The following KLHL7 variants were observed in gnomAD, a reference collection of about 807,000 sequenced individuals.
KLHL7 encodes the protein kelch-like protein 7.
In KLHL7, 44 loss-of-function variants were observed where a neutral mutation model predicts 67.4. That is an observed-to-expected ratio of 0.65 (90% CI 0.51 to 0.84). The LOEUF is 0.84. Among genes scored for constraint, KLHL7 ranks in the 40% least tolerant of loss-of-function variants. The pLI, the probability that KLHL7 is intolerant of heterozygous loss-of-function variation, is 0.00. For synonymous variants in KLHL7, 252 were observed against 243.3 expected (o/e 1.04, Z -0.33); for missense variants, 362 against 718.1 (o/e 0.50, Z 5.67).
At chr7:23,120,730 T>C (rs1378485839) in intron 1 of KLHL7, among the ~76,000 whole-genome samples, 1 of 152,028 alleles carries the variant, frequency 6.6e-6, no homozygotes, top group East Asian at 1.9e-4. Flanking sequence ...TCACACCTGG[T>C]TAATTTTTTA....
intron 6 of KLHL7, among the ~76,000 whole-genome samples, chr7:23,149,297 G>T (rs1237073374): frequency 2.0e-5 from 3 of 152,084 alleles, no homozygotes; most frequent in Non-Finnish European, 2.9e-5. Context: ...CTATTCTTGG[G>T]GAGGAAAAAA....
At chr7:23,120,305 C>T (rs971928038) in intron 1 of KLHL7, among the ~76,000 whole-genome samples, 4 of 152,188 alleles carry the variant, frequency 2.6e-5, no homozygotes, top group African/African-American at 9.7e-5. Context: ...GTCACCACAC[C>T]CAGCCCCATA....
At chr7:23,152,279 C>A in intron 7 of KLHL7, 70 bp downstream of exon 7, 1 of 1,408,666 alleles carries the variant, frequency 7.1e-7, no homozygotes, top group East Asian at 2.3e-5. Flanking sequence ...CACTCACCAA[C>A]TAGAAGTAGT....
At chr7:23,113,915 A>C (rs62466542) in intron 1 of KLHL7, among the ~76,000 whole-genome samples, 1 of 152,358 alleles carries the variant, frequency 6.6e-6, no homozygotes, top group South Asian at 2.1e-4. Context: ...CATGCTGTCT[A>C]TATAAATTAT....
chr7:23,147,130 T>C (rs554877191), intron 6 of KLHL7, among the ~76,000 whole-genome samples: 83 of 151,294 alleles, frequency 5.5e-4, no homozygotes, highest in African/African-American at 2.0e-3. Context: ...CTCGCTGGCT[T>C]CCAGGCTGGA....
chr7:23,143,933 G>C lies in KLHL7; in HGVS notation c.701G>C (p.Arg234Thr). 6.2e-7 allele frequency: 1 copy of C among 1,613,992 alleles called. No individual in the cohort carries two copies. Among genetic ancestry groups the C allele is most frequent in the Non-Finnish European group, 8.5e-7 (1 of 1,179,934 alleles). ...ATGGTTGATATCCTTGCTAAAGTCAGGTTTCCTCTTATATCAAAGAATTTC... is the reference window on the plus strand; with the variant it reads ...ATGGTTGATATCCTTGCTAAAGTCACGTTTCCTCTTATATCAAAGAATTTC... ...PFMVDILAKV[R>T]FPLISKNFLS... The change falls in exon 6 of 11, where the codon AGG becomes ACG. Residue 234 changes from arginine to threonine, a missense_variant. Arg to Thr is a moderately conservative substitution (Grantham distance 71, BLOSUM62 -1). This residue lies in a region of KLHL7 where 155 missense variants were observed against 280.8 expected (regional missense o/e 0.55). Coordinates refer to ENST00000339077, the MANE Select transcript of KLHL7 (RefSeq NM_001031710.3).
At chr7:23,107,763 C>T (rs780955663) in intron 1 of KLHL7, among the ~76,000 whole-genome samples, 6 of 152,194 alleles carry the variant, frequency 3.9e-5, no homozygotes, top group Admixed American at 6.5e-5. Context: ...ATTAACTGAC[C>T]TTAATCTGCC....
At chr7:23,128,904 G>T (rs978596488) in intron 4 of KLHL7, among the ~76,000 whole-genome samples, 1 of 152,128 alleles carries the variant, frequency 6.6e-6, no homozygotes, top group Non-Finnish European at 1.5e-5. Flanking sequence ...CCATATTGTA[G>T]CATTTATCAG....
intron 1 of KLHL7, among the ~76,000 whole-genome samples, chr7:23,115,139 A>C (rs1783033235): frequency 6.6e-6 from 1 of 152,204 alleles, no homozygotes; most frequent in African/African-American, 2.4e-5. Context: ...TAGTTAGCTT[A>C]GCACCTCCAA....
rs1201559481 is a variant in KLHL7 at position 23,140,577 on chromosome 7, A to AC, written c.443-191dup. ...GTCTCAAAAAACAAAAAAACAAAAA[A>AC]CAAAAAAAAAACCAGTCTTTTATAA... is the stretch of plus-strand genomic sequence containing the variant. On this transcript the variant is annotated intron_variant, in intron 4 of 10. Coordinates refer to ENST00000339077, the MANE Select transcript of KLHL7 (RefSeq NM_001031710.3). 5 of 630,572 alleles carry AC rather than the reference A, an allele frequency of 7.9e-6. No homozygotes were observed. The African/African-American group carries it at 1.4e-4, about 18-fold the overall frequency. The allele number at this position is 630,572 out of a possible 1,614,324, so 39.1% of individuals were successfully genotyped here.
chr7:23,106,847 CTT>C (rs112396697), intron 1 of KLHL7: 2,580 of 792,210 alleles, frequency 3.3e-3, no homozygotes, highest in Middle Eastern at 4.1e-3. Context: ...AACAAAGAGG[CTT>C]TTTTTTTTTT....
chr7:23,135,311 GT>G (rs760423721), intron 4 of KLHL7, among the ~76,000 whole-genome samples: 1 of 151,916 alleles, frequency 6.6e-6, no homozygotes, highest in African/African-American at 2.4e-5. Context: ...ATACTGTTAA[GT>G]TTTTTTTAAA....
At chr7:23,139,180 T>C (rs1179847450) in intron 4 of KLHL7, among the ~76,000 whole-genome samples, 2 of 151,586 alleles carry the variant, frequency 1.3e-5, no homozygotes, top group African/African-American at 4.9e-5. Context: ...ACATGGGAAC[T>C]CTGTAATGTT....
At chr7:23,113,695 G>A (rs756516712) in intron 1 of KLHL7, among the ~76,000 whole-genome samples, 5 of 152,120 alleles carry the variant, frequency 3.3e-5, no homozygotes, top group Admixed American at 2.0e-4. Context: ...GCCGGGTGAC[G>A]CATGCCTGTA....
chr7:23,175,524 A>C lies in KLHL7; in HGVS notation c.*1226A>C, dbSNP rs6947347. 2.2e-3 allele frequency: 764 copies of C among 349,214 alleles called. 8 individuals are homozygous for C. Among genetic ancestry groups the C allele is most frequent in the African/African-American group, 0.015 (708 of 46,674 alleles). The allele number at this position is 349,214 out of a possible 1,614,324, so 21.6% of individuals were successfully genotyped here. On this transcript the variant is annotated 3_prime_UTR_variant, in exon 11 of 11. Transcript: ENST00000339077. Reference sequence around the variant, plus strand: ...TCAGTTTTCTTTATATAGAGGTTATAATAGTCTTAAACCCTAAAAATGTTT... The same window carrying C: ...TCAGTTTTCTTTATATAGAGGTTATCATAGTCTTAAACCCTAAAAATGTTT...
At position 23,174,966 on chromosome 7, in the gene KLHL7, C is replaced by T; in HGVS notation, c.*668C>T. ...TTAACATAAAATGTAAAGCTTAGCA[C>T]CCATCATTAATTTATGTCTCTGTTT... On this transcript the variant is annotated 3_prime_UTR_variant, in exon 11 of 11. Transcript: ENST00000339077. The T allele has an allele frequency of 2.2e-6, 1 of 450,800 alleles. No homozygotes were observed. Among genetic ancestry groups the T allele is most frequent in the South Asian group, 1.6e-5 (1 of 63,992 alleles). 27.9% of individuals were successfully genotyped at this position (450,800 alleles called of 1,614,324 possible).
chr7:23,114,994 C>G (rs758514255), intron 1 of KLHL7, among the ~76,000 whole-genome samples: 1 of 152,190 alleles, frequency 6.6e-6, no homozygotes, highest in African/African-American at 2.4e-5. Flanking sequence ...CAATTGAATT[C>G]CAAATATGTG....
At chr7:23,136,205 G>T (rs556658044) in intron 4 of KLHL7, among the ~76,000 whole-genome samples, 1 of 152,320 alleles carries the variant, frequency 6.6e-6, no homozygotes, top group African/African-American at 2.4e-5. Flanking sequence ...TCACAAGGTT[G>T]CAAATGAGAG....
At chr7:23,141,035 G>C in intron 5 of KLHL7, 91 bp downstream of exon 5, 2 of 1,062,812 alleles carry the variant, frequency 1.9e-6, no homozygotes, top group Non-Finnish European at 2.9e-6. Context: ...AAGGGAAAGA[G>C]TCATATTAGG....
Sources: gnomAD v4.1 joint callset for allele counts (sites outside exome capture counted in the v4.1 genomes callset) on GRCh38, gnomAD v4.1.1 for gene constraint, gnomAD v4.1.1 regional missense constraint, MANE v1.5 for transcripts, NCBI Gene and HGNC (gene_info 2026-07-23, HGNC 2026-07-21) for gene names.